PDGFD: variants seen among roughly 807,000 people sequenced by gnomAD.
PDGFD encodes platelet-derived growth factor D.
A neutral mutation model predicts 44.7 loss-of-function variants in PDGFD; 30 were observed. That is an observed-to-expected ratio of 0.67 (90% CI 0.50 to 0.91). The LOEUF (loss-of-function observed/expected upper bound fraction) is 0.91, where lower values mean the gene tolerates loss of function less well. Ranked by LOEUF, PDGFD falls within the 40% of genes least tolerant of loss-of-function variation. PDGFD has a pLI of 0.00. For synonymous variants in PDGFD, 173 were observed against 168.4 expected (o/e 1.03, Z -0.21); for missense variants, 445 against 457.8 (o/e 0.97, Z 0.25).
chr11:104,050,410 G>T (rs1341845625), intron 1 of PDGFD, among the ~76,000 whole-genome samples: 1 of 152,150 alleles, frequency 6.6e-6, no homozygotes, highest in African/African-American at 2.4e-5. Flanking sequence ...GGAAAAGGTA[G>T]TTGAATTTCA....
chr11:104,095,121 T>A (rs1861265161), intron 1 of PDGFD, among the ~76,000 whole-genome samples: 1 of 152,116 alleles, frequency 6.6e-6, no homozygotes, highest in African/African-American at 2.4e-5. Context: ...TCAGTTTAAA[T>A]ACTATATCTC....
At chr11:104,095,968 C>CA (rs1265199937) in intron 1 of PDGFD, among the ~76,000 whole-genome samples, 1 of 152,138 alleles carries the variant, frequency 6.6e-6, no homozygotes, top group Non-Finnish European at 1.5e-5. Context: ...AACAATAACT[C>CA]ATTCAATACT....
At chr11:104,126,133 C>G (rs771222084) in intron 1 of PDGFD, among the ~76,000 whole-genome samples, 1 of 152,156 alleles carries the variant, frequency 6.6e-6, no homozygotes, top group Non-Finnish European at 1.5e-5. Flanking sequence ...TATCACTGCT[C>G]CTTTACTCAT....
chr11:104,052,254 T>A (rs557424444), intron 1 of PDGFD, among the ~76,000 whole-genome samples: 1 of 152,200 alleles, frequency 6.6e-6, no homozygotes, highest in South Asian at 2.1e-4. Flanking sequence ...CTTTAAAGTA[T>A]GACAAGGACA....
At chr11:104,052,645 G>T (rs1343836048) in intron 1 of PDGFD, among the ~76,000 whole-genome samples, 1 of 152,126 alleles carries the variant, frequency 6.6e-6, no homozygotes, top group Admixed American at 6.6e-5. Context: ...TGGGGCTAAT[G>T]TTGTATGGCT....
At chr11:104,118,666 A>G (rs1418314626) in intron 1 of PDGFD, among the ~76,000 whole-genome samples, 1 of 145,478 alleles carries the variant, frequency 6.9e-6, no homozygotes, top group African/African-American at 2.5e-5. Context: ...GCTATGGTAT[A>G]GTATTTAATG....
intron 1 of PDGFD, among the ~76,000 whole-genome samples, chr11:104,137,579 T>C (rs922048356): frequency 6.6e-6 from 1 of 152,158 alleles, no homozygotes; most frequent in Non-Finnish European, 1.5e-5. Context: ...TACTTTACAA[T>C]GTTACGGTCG....
At chr11:104,078,692 C>A (rs779647843) in intron 1 of PDGFD, among the ~76,000 whole-genome samples, 114 of 145,360 alleles carry the variant, frequency 7.8e-4, no homozygotes, top group Non-Finnish European at 1.4e-3. Context: ...TATGAAATTC[C>A]TGTTAATTTT....
intron 1 of PDGFD, among the ~76,000 whole-genome samples, chr11:104,103,688 T>G (rs1440127171): frequency 6.6e-6 from 1 of 151,920 alleles, no homozygotes; most frequent in African/African-American, 2.4e-5. Context: ...GCAGCCATCC[T>G]AACATCATAG....
intron 3 of PDGFD, among the ~76,000 whole-genome samples, chr11:103,993,268 G>A (rs942229868): frequency 6.6e-6 from 1 of 151,768 alleles, no homozygotes; most frequent in East Asian, 1.9e-4. Flanking sequence ...GTAGAGACAG[G>A]GTCCCACTAT....
intron 1 of PDGFD, among the ~76,000 whole-genome samples, chr11:104,003,241 CA>C (rs1859647060): frequency 1.3e-5 from 2 of 152,206 alleles, no homozygotes. Flanking sequence ...ATGATCCTTG[CA>C]AGAGGCCTGC....
chr11:103,951,939 TTACTC>T (rs1858765160), intron 3 of PDGFD, among the ~76,000 whole-genome samples: 1 of 152,236 alleles, frequency 6.6e-6, no homozygotes, highest in Non-Finnish European at 1.5e-5. Flanking sequence ...TATTTGTTCT[TTACTC>T]TATTCCAAGT....
At chr11:104,093,978 T>A (rs79546688) in intron 1 of PDGFD, among the ~76,000 whole-genome samples, 17,355 of 151,474 alleles carry the variant, frequency 0.11, 1,108 homozygotes, top group East Asian at 0.19. Flanking sequence ...AAGACTTGCT[T>A]ACATGTGCTG....
intron 1 of PDGFD, chr11:104,038,212 G>A (rs1591133947): frequency 1.7e-6 from 1 of 599,700 alleles, no homozygotes; most frequent in South Asian, 2.6e-5. Flanking sequence ...CTTGTCCAGA[G>A]ATCACTGAAA....
chr11:104,034,933 C>T (rs958430363), intron 1 of PDGFD, among the ~76,000 whole-genome samples: 4 of 152,138 alleles, frequency 2.6e-5, no homozygotes, highest in East Asian at 1.9e-4. Flanking sequence ...TGAGCCACCG[C>T]GCCAGGCAGC....
chr11:104,122,661 C>T (rs1049766902), intron 1 of PDGFD, among the ~76,000 whole-genome samples: 1 of 151,886 alleles, frequency 6.6e-6, no homozygotes. Flanking sequence ...GGGTATAACC[C>T]CAGACAATGA....
chr11:104,092,114 A>C (rs781069942), intron 1 of PDGFD, among the ~76,000 whole-genome samples: 1 of 152,194 alleles, frequency 6.6e-6, no homozygotes, highest in Non-Finnish European at 1.5e-5. Flanking sequence ...CTCAGAGAGC[A>C]AGGTGATGTT....
rs115086340 is a variant in PDGFD at position 103,965,324 on chromosome 11, T to C, written c.511-17600A>G. On this transcript the variant is annotated intron_variant, in intron 3 of 6. Coordinates refer to ENST00000393158, the MANE Select transcript of PDGFD (RefSeq NM_025208.5). ...ATAATGGATTCATTTAGAGAAGATG[T>C]TAAGGGACTTAAGTGAGAGAAGACG... Among the ~76,000 whole-genome samples the C allele has an allele frequency of 8.4e-3, 1,283 of 152,282 alleles. 24 individuals carry two copies. The highest frequency in any genetic ancestry group is 0.029 in the African/African-American group (1,222 of 41,552).
intron 1 of PDGFD, among the ~76,000 whole-genome samples, chr11:104,139,873 T>TAA (rs1193661913): frequency 1.0e-4 from 2 of 19,852 alleles, no homozygotes; most frequent in Admixed American, 5.4e-4. Context: ...CCGTCTCTAC[T>TAA]AAAAAAAAAA....
Sources: allele counts gnomAD v4.1 joint callset (sites outside exome capture counted in the v4.1 genomes callset), GRCh38; gene constraint gnomAD v4.1.1; transcripts MANE v1.5; gene names NCBI Gene and HGNC (gene_info 2026-07-23, HGNC 2026-07-21).